INPP4B: variants seen among roughly 807,000 people sequenced by gnomAD.
INPP4B encodes inositol polyphosphate-4-phosphatase type II B, also known as inositol polyphosphate 4-phosphatase type II.
In INPP4B, 55 loss-of-function variants were observed where a neutral mutation model predicts 122.5. The observed-to-expected ratio is 0.45, with a 90% CI of 0.36 to 0.56. The LOEUF (loss-of-function observed/expected upper bound fraction) is 0.56. INPP4B is among the 20% of genes least tolerant of loss of function. INPP4B has a pLI of 0.00. For missense variants in INPP4B, 1,000 were observed against 1,097.7 expected (o/e 0.91, Z 1.26); for synonymous variants, 403 against 388.7 (o/e 1.04, Z -0.43).
At chr4:142,410,127 G>C (rs1562038172) in intron 5 of INPP4B, among the ~76,000 whole-genome samples, 1 of 152,212 alleles carries the variant, frequency 6.6e-6, no homozygotes, top group Non-Finnish European at 1.5e-5. Context: ...ACATCAGAGA[G>C]CTCAGTCTCA....
intron 2 of INPP4B, among the ~76,000 whole-genome samples, chr4:142,511,887 TAA>T (rs1824766811): frequency 6.6e-6 from 1 of 152,208 alleles, no homozygotes; most frequent in Non-Finnish European, 1.5e-5. Context: ...AGATGAGCTT[TAA>T]AGTTACTTCT....
intron 14 of INPP4B, chr4:142,202,726 G>A: frequency 1.0e-6 from 1 of 983,988 alleles, no homozygotes; most frequent in Non-Finnish European, 1.2e-6. Context: ...TATTAGTTAA[G>A]CTTCTTTTCA....
intron 2 of INPP4B, among the ~76,000 whole-genome samples, chr4:142,555,711 A>C (rs1323503222): frequency 2.6e-5 from 4 of 151,948 alleles, no homozygotes; most frequent in African/African-American, 9.7e-5. Flanking sequence ...TACTAAAAAT[A>C]CAAAAAAAAA....
Position 142,501,879 on chromosome 4 carries a change from G to A in INPP4B, c.-190-39153C>T, listed in dbSNP as rs575309816. 1.2e-4 allele frequency among the ~76,000 whole-genome samples: 18 copies of A among 152,250 alleles called. No individual in the cohort carries two copies. In the South Asian group the frequency reaches 3.5e-3, roughly 30 times the overall value. ...AAAGAATACCGGACCATGAAATGGAGTAGGAATCCCTTTTAGAAGCCTTTG... is the reference window on the plus strand; with the variant it reads ...AAAGAATACCGGACCATGAAATGGAATAGGAATCCCTTTTAGAAGCCTTTG... On this transcript the variant is annotated intron_variant, in intron 2 of 25. Coordinates refer to ENST00000262992, the MANE Select transcript of INPP4B (RefSeq NM_001101669.3).
intron 15 of INPP4B, among the ~76,000 whole-genome samples, chr4:142,191,590 C>T (rs1245396909): frequency 6.6e-6 from 1 of 152,158 alleles, no homozygotes; most frequent in East Asian, 1.9e-4. Flanking sequence ...GATGCCTCTC[C>T]CCTGCAGAGC....
At chr4:142,602,539 A>G (rs1740262432) in intron 2 of INPP4B, among the ~76,000 whole-genome samples, 1 of 152,226 alleles carries the variant, frequency 6.6e-6, no homozygotes, top group African/African-American at 2.4e-5. Flanking sequence ...AACCCCATTA[A>G]AAAGCAGGCC....
chr4:142,752,879 A>T (rs1769940532), intron 1 of INPP4B, among the ~76,000 whole-genome samples: 1 of 152,120 alleles, frequency 6.6e-6, no homozygotes. Context: ...AAGGAACAGC[A>T]TGTATTAATA....
At chr4:142,672,032 ATTTCCC>A (rs1387001935) in intron 2 of INPP4B, among the ~76,000 whole-genome samples, 1 of 152,090 alleles carries the variant, frequency 6.6e-6, no homozygotes, top group Non-Finnish European at 1.5e-5. Context: ...GATGTCTTTC[ATTTCCC>A]ATACTGTATG....
At chr4:142,673,025 A>C (rs548191722) in intron 2 of INPP4B, among the ~76,000 whole-genome samples, 1 of 152,144 alleles carries the variant, frequency 6.6e-6, no homozygotes, top group South Asian at 2.1e-4. Context: ...ACCCTTGCCA[A>C]CATCACATGG....
At chr4:142,710,949 C>G (rs1763044931) in intron 2 of INPP4B, among the ~76,000 whole-genome samples, 1 of 152,188 alleles carries the variant, frequency 6.6e-6, no homozygotes, top group African/African-American at 2.4e-5. Flanking sequence ...CTCCCTGACT[C>G]TACTCTTCAA....
At chr4:142,623,303 C>A (rs760777759) in intron 2 of INPP4B, among the ~76,000 whole-genome samples, 2 of 151,970 alleles carry the variant, frequency 1.3e-5, no homozygotes, top group Non-Finnish European at 2.9e-5. Context: ...TTTGCTGCCA[C>A]TCCTACCTTC....
chr4:142,223,844 T>A (rs1420278330), intron 12 of INPP4B, among the ~76,000 whole-genome samples: 1 of 152,108 alleles, frequency 6.6e-6, no homozygotes, highest in Admixed American at 6.5e-5. Flanking sequence ...TAATGCATAT[T>A]TTTTTTGGAT....
At chr4:142,552,751 C>A (rs911092190) in intron 2 of INPP4B, among the ~76,000 whole-genome samples, 16 of 152,146 alleles carry the variant, frequency 1.1e-4, no homozygotes, top group African/African-American at 3.1e-4. Context: ...AATATTACAG[C>A]AGCTCCACAG....
intron 1 of INPP4B, among the ~76,000 whole-genome samples, chr4:142,825,502 C>A (rs981895334): frequency 6.8e-6 from 1 of 146,926 alleles, no homozygotes; most frequent in African/African-American, 2.6e-5. Flanking sequence ...TATCATATAT[C>A]ATTGAAAATC....
At chr4:142,153,264 C>A (rs937158277) in intron 17 of INPP4B, among the ~76,000 whole-genome samples, 2 of 152,156 alleles carry the variant, frequency 1.3e-5, no homozygotes, top group African/African-American at 4.8e-5. Flanking sequence ...CAACCATTTT[C>A]AAACACCAAT....
Position 142,122,181 on chromosome 4 carries a change from A to G in INPP4B, c.2082T>C (p.Phe694=), listed in dbSNP as rs139184848. Residue 694 remains phenylalanine (F), a synonymous_variant, in exon 21 of 26, where the codon TTT becomes TTC. Coordinates refer to ENST00000262992, the MANE Select transcript of INPP4B (RefSeq NM_001101669.3). ...CATTGGATTTGGCTTCAATTATTTT[A>G]AATGCAACTTTCTTTAAATCGGAAA... The part of the protein sequence containing the change: ...VGISDLKKVA[F]KIIEAKSNDV... The G allele has an allele frequency of 6.2e-7, 1 of 1,612,246 alleles. No individual in the cohort carries two copies. The highest frequency in any genetic ancestry group is 1.3e-5 in the African/African-American group (1 of 74,806).
chr4:142,815,267 C>T (rs1012681970), intron 1 of INPP4B, among the ~76,000 whole-genome samples: 6 of 152,018 alleles, frequency 3.9e-5, no homozygotes, highest in African/African-American at 9.7e-5. Flanking sequence ...TAAAATATAA[C>T]GTGATGTACT....
chr4:142,049,255 G>C (rs1384504281), intron 25 of INPP4B, among the ~76,000 whole-genome samples: 1 of 152,078 alleles, frequency 6.6e-6, no homozygotes, highest in Non-Finnish European at 1.5e-5. Context: ...TTCAGCAAAA[G>C]AGTATCATGT....
chr4:142,315,947 C>G (rs1182714977), intron 7 of INPP4B, among the ~76,000 whole-genome samples: 1 of 151,774 alleles, frequency 6.6e-6, no homozygotes. Context: ...GTCAATCCTC[C>G]CAGATTGAAG....
Sources: allele counts gnomAD v4.1 joint callset (sites outside exome capture counted in the v4.1 genomes callset), GRCh38; gene constraint gnomAD v4.1.1; transcripts MANE v1.5; gene names NCBI Gene and HGNC (gene_info 2026-07-23, HGNC 2026-07-21).